The following TP63 variants were observed in gnomAD, a reference collection of about 807,000 sequenced individuals.
TP63 encodes tumor protein 63.
TP63 carries 17 observed loss-of-function variants against 82.8 expected under a neutral mutation model. That is an observed-to-expected ratio of 0.21 (90% CI 0.14 to 0.31). The LOEUF is 0.31. Among genes scored for constraint, TP63 ranks in the 10% least tolerant of loss-of-function variants. The probability of loss-of-function intolerance (pLI) is 1.00; values close to 1 mark genes in which losing one functional copy is unlikely to be tolerated. For missense variants in TP63, 648 were observed against 895.3 expected (o/e 0.72, Z 3.52); for synonymous variants, 330 against 321.7 (o/e 1.03, Z -0.28).
At chr3:189,746,538 ACAAC>A (rs1457945868) in intron 3 of TP63, among the ~76,000 whole-genome samples, 2 of 152,120 alleles carry the variant, frequency 1.3e-5, no homozygotes, top group South Asian at 2.1e-4. Flanking sequence ...ACTACAGAAA[ACAAC>A]CAAATCACAA....
At chr3:189,716,383 G>C (rs1718960155) in intron 1 of TP63, among the ~76,000 whole-genome samples, 1 of 151,558 alleles carries the variant, frequency 6.6e-6, no homozygotes, top group East Asian at 2.0e-4. Context: ...TTAGTCACTG[G>C]ACTTTGTGGA....
chr3:189,752,890 G>T (rs969545751), intron 3 of TP63, among the ~76,000 whole-genome samples: 3 of 151,834 alleles, frequency 2.0e-5, no homozygotes, highest in African/African-American at 4.8e-5. Flanking sequence ...AGTTTTTCTT[G>T]AGACTTCCTC....
Position 189,896,794 on chromosome 3 carries a change from G to C in TP63, c.*2292G>C, listed in dbSNP as rs1417155321. 7 of 207,534 alleles carry C rather than the reference G, an allele frequency of 3.4e-5. No individual in the cohort carries two copies. Among genetic ancestry groups the C allele is most frequent in the African/African-American group, 1.6e-4 (7 of 43,842 alleles). The allele number at this position is 207,534 out of a possible 1,614,324, so 12.9% of individuals were successfully genotyped here. On this transcript the variant is annotated 3_prime_UTR_variant, in exon 14 of 14. Coordinates refer to ENST00000264731, the MANE Select transcript of TP63 (RefSeq NM_003722.5). ...CTCCTCATGGCAGCCTACTCTCCTT[G>C]AGTGTATGAGTAGCCAGGGTAAGGG...
chr3:189,603,858 A>G, the TP63 span, among the ~76,000 whole-genome samples: 1 of 152,006 alleles, frequency 6.6e-6, no homozygotes, highest in African/African-American at 2.4e-5. Context: ...TCATGTTTCC[A>G]TTATAGAAAC....
At chr3:189,887,753 C>T (rs1720602611) in intron 11 of TP63, among the ~76,000 whole-genome samples, 1 of 151,918 alleles carries the variant, frequency 6.6e-6, no homozygotes, top group Non-Finnish European at 1.5e-5. Context: ...TTATTTTGAT[C>T]AAACCTCTAA....
intron 1 of TP63, among the ~76,000 whole-genome samples, chr3:189,734,083 CTCTT>C (rs1720373915): frequency 6.7e-6 from 1 of 148,388 alleles, no homozygotes; most frequent in South Asian, 2.1e-4. Context: ...CTTTCTTTCT[CTCTT>C]TCTTTACTTT....
intron 1 of TP63, among the ~76,000 whole-genome samples, chr3:189,717,607 A>G (rs545650226): frequency 5.3e-5 from 8 of 152,336 alleles, no homozygotes; most frequent in African/African-American, 1.9e-4. Flanking sequence ...ATCTGAAATT[A>G]GGATTGTAGA....
In TP63 at chr3:189,811,606, A is replaced by G. The variant is rs533910770; in HGVS notation, c.579+3080A>G. On this transcript the variant is annotated intron_variant, in intron 4 of 13. Coordinates refer to ENST00000264731, the MANE Select transcript of TP63 (RefSeq NM_003722.5). The stretch of plus-strand genomic sequence containing the variant: ...AGCTTCTAATTCTTTGAGCCAAATT[A>G]TATATCCTCATGTTTATACACAGAC... 1.1e-3 allele frequency among the ~76,000 whole-genome samples: 172 copies of G among 152,180 alleles called. 1 individual carries two copies. Among genetic ancestry groups the G allele is most frequent in the Non-Finnish European group, 2.1e-3 (144 of 68,030 alleles).
intron 1 of TP63, among the ~76,000 whole-genome samples, chr3:189,722,611 GCA>G (rs1469111952): frequency 3.1e-5 from 1 of 32,756 alleles, no homozygotes; most frequent in Non-Finnish European, 7.3e-5. Flanking sequence ...TCCGCACAGT[GCA>G]CAGTGTGATA....
At chr3:189,797,441 C>G (rs1243477149) in intron 3 of TP63, among the ~76,000 whole-genome samples, 1 of 152,022 alleles carries the variant, frequency 6.6e-6, no homozygotes, top group Non-Finnish European at 1.5e-5. Flanking sequence ...CATTTCCCAC[C>G]CAGCCAGTGA....
At chr3:189,893,236 T>G (rs1721198323) in intron 13 of TP63, among the ~76,000 whole-genome samples, 1 of 152,236 alleles carries the variant, frequency 6.6e-6, no homozygotes, top group African/African-American at 2.4e-5. Flanking sequence ...CCTATGAGTC[T>G]ATAGCATCTT....
chr3:189,711,255 C>T (rs1209952662), intron 1 of TP63, among the ~76,000 whole-genome samples: 5 of 152,186 alleles, frequency 3.3e-5, no homozygotes, highest in Non-Finnish European at 5.9e-5. Context: ...GGCCAAGAAC[C>T]TGGTTGCTAC....
At chr3:189,777,638 G>A (rs1226543579) in intron 3 of TP63, among the ~76,000 whole-genome samples, 1 of 151,282 alleles carries the variant, frequency 6.6e-6, no homozygotes, top group Non-Finnish European at 1.5e-5. Context: ...ATCTCTTCAT[G>A]AAGAATTAAT....
intron 3 of TP63, 92 bp from the exon 4 acceptor site, chr3:189,808,180 C>T (rs1727125057): frequency 6.2e-7 from 1 of 1,607,584 alleles, no homozygotes; most frequent in Admixed American, 1.7e-5. Flanking sequence ...AGGTCCATCT[C>T]TGTAGAATGC....
intron 1 of TP63, among the ~76,000 whole-genome samples, chr3:189,683,317 T>G (rs1043183231): frequency 2.6e-5 from 4 of 152,196 alleles, no homozygotes; most frequent in Non-Finnish European, 5.9e-5. Context: ...TGAGAAAATA[T>G]GCACAGCACA....
At position 189,659,965 on chromosome 3, in the gene TP63, T is replaced by C. The variant is rs142276936; in HGVS notation, c.62+28388T>C. On this transcript the variant is annotated intron_variant, in intron 1 of 13. Coordinates refer to ENST00000264731, the MANE Select transcript of TP63 (RefSeq NM_003722.5). ...TTCTAGATACTAGACCATTGCCATA[T>C]ATATAGTCTGTGAATATTTTCTCCC... Among the ~76,000 whole-genome samples the C allele has an allele frequency of 3.8e-4, 58 of 152,196 alleles. 2 individuals carry two copies. In the East Asian group the frequency reaches 0.011, roughly 28 times the overall value.
intron 3 of TP63, among the ~76,000 whole-genome samples, chr3:189,739,259 A>T (rs976894586): frequency 1.3e-5 from 2 of 152,074 alleles, no homozygotes; most frequent in African/African-American, 4.8e-5. Flanking sequence ...GGGATTACAG[A>T]CATGCACCAC....
chr3:189,627,950 CTTA>C (rs1222048022), upstream of TP63, among the ~76,000 whole-genome samples: 2 of 152,064 alleles, frequency 1.3e-5, no homozygotes, highest in African/African-American at 2.4e-5. Flanking sequence ...AGTTGCAATA[CTTA>C]TTATGAGATG....
At chr3:189,626,696 T>C (rs763003665), upstream of TP63, among the ~76,000 whole-genome samples, 1 of 152,224 alleles carries the variant, frequency 6.6e-6, no homozygotes, top group Non-Finnish European at 1.5e-5. Flanking sequence ...ATGGCATCTT[T>C]CTTTTGGGAA....
Sources: gnomAD v4.1 joint callset for allele counts (sites outside exome capture counted in the v4.1 genomes callset) on GRCh38, gnomAD v4.1.1 for gene constraint, MANE v1.5 for transcripts, NCBI Gene and HGNC (gene_info 2026-07-23, HGNC 2026-07-21) for gene names.